The following ANKS1A variants were observed in gnomAD, a reference collection of about 807,000 sequenced individuals.
The protein encoded by ANKS1A is ankyrin repeat and SAM domain-containing protein 1A.
A neutral mutation model predicts 120.3 loss-of-function variants in ANKS1A; 55 were observed. That is an observed-to-expected ratio of 0.46 (90% confidence interval 0.37 to 0.57). The LOEUF (loss-of-function observed/expected upper bound fraction) is 0.57, where lower values mean the gene tolerates loss of function less well. Among genes scored for constraint, ANKS1A ranks in the 20% least tolerant of loss-of-function variants. ANKS1A has a pLI of 0.00. For missense variants in ANKS1A, 1,123 were observed against 1,480.3 expected (o/e 0.76, Z 3.96); for synonymous variants, 590 against 604.7 (o/e 0.98, Z 0.36).
chr6:35,031,625 C>A (rs1345777733), intron 11 of ANKS1A, among the ~76,000 whole-genome samples: 2 of 152,188 alleles, frequency 1.3e-5, no homozygotes, highest in Non-Finnish European at 2.9e-5. Flanking sequence ...TCCTCAGCGG[C>A]CACCACCTCA....
chr6:35,080,031 GA>G, intron 16 of ANKS1A, 103 bp downstream of exon 16: 16 of 1,311,268 alleles, frequency 1.2e-5, no homozygotes, highest in Non-Finnish European at 1.5e-5. Flanking sequence ...TAGTGTAGGA[GA>G]AAGCAGCTCC....
chr6:34,954,772 C>T (rs376598088), intron 1 of ANKS1A, among the ~76,000 whole-genome samples: 43 of 152,326 alleles, frequency 2.8e-4, no homozygotes, highest in African/African-American at 8.9e-4. Flanking sequence ...ACTGGAAGGC[C>T]GTTTGTGCAC....
chr6:35,003,266 A>T (rs2127545700), intron 10 of ANKS1A, among the ~76,000 whole-genome samples: 1 of 152,220 alleles, frequency 6.6e-6, no homozygotes, highest in Non-Finnish European at 1.5e-5. Context: ...TGCTCAACCG[A>T]ATCATACGGT....
At chr6:35,006,486 G>A (rs1175628204) in intron 10 of ANKS1A, among the ~76,000 whole-genome samples, 1 of 152,092 alleles carries the variant, frequency 6.6e-6, no homozygotes, top group East Asian at 1.9e-4. Context: ...CAGGCGTGGT[G>A]GCTCACGCCT....
rs770535032 is a variant in ANKS1A at position 35,081,091 on chromosome 6, G to A, written c.2642G>A (p.Gly881Asp). 6.2e-7 allele frequency: 1 copy of A among 1,613,804 alleles called. No individual in the cohort carries two copies. Among genetic ancestry groups the A allele is most frequent in the East Asian group, 2.2e-5 (1 of 44,876 alleles). ...ADLLLPPGDT[G>D]RRRHDSLHDP... ...CTGCTGCTGCCTCCAGGGGACACAG[G>A]CAGGAGGCGCCATGACAGTCTCCAT... Residue 881 changes from glycine to aspartate, a missense_variant, in exon 17 of 24, where the codon GGC becomes GAC. By Grantham distance (94) the Gly-to-Asp change is moderately conservative. Transcript: ENST00000360359.
chr6:34,940,996 AT>A (rs1385846988), intron 1 of ANKS1A, among the ~76,000 whole-genome samples: 1 of 150,402 alleles, frequency 6.6e-6, no homozygotes, highest in Non-Finnish European at 1.5e-5. Flanking sequence ...TCTAAAAAAA[AT>A]TTTTTTTTTG....
chr6:34,950,392 C>A (rs1273250109), intron 1 of ANKS1A, among the ~76,000 whole-genome samples: 1 of 151,888 alleles, frequency 6.6e-6, no homozygotes, highest in Non-Finnish European at 1.5e-5. Context: ...CCACGCCCAG[C>A]TAATTTTTGT....
intron 11 of ANKS1A, among the ~76,000 whole-genome samples, chr6:35,032,536 G>T (rs956063354): frequency 3.9e-5 from 6 of 152,190 alleles, no homozygotes. Context: ...AAAAATGCAA[G>T]TCCTTGATTA....
At chr6:35,071,219 G>A (rs189499473) in intron 13 of ANKS1A, among the ~76,000 whole-genome samples, 2 of 152,178 alleles carry the variant, frequency 1.3e-5, no homozygotes, top group East Asian at 1.9e-4. Flanking sequence ...CACATATATC[G>A]CTTGATGTCT....
intron 1 of ANKS1A, among the ~76,000 whole-genome samples, chr6:34,894,536 CAGCTACTCGGG>C (rs1458220883): frequency 6.6e-6 from 1 of 152,084 alleles, no homozygotes; most frequent in Non-Finnish European, 1.5e-5. Flanking sequence ...CCTGTAGTCC[CAGCTACTCGGG>C]AGGCTGATGT....
At chr6:34,890,542 G>C (rs1212584102) in intron 1 of ANKS1A, among the ~76,000 whole-genome samples, 1 of 152,182 alleles carries the variant, frequency 6.6e-6, no homozygotes, top group Non-Finnish European at 1.5e-5. Flanking sequence ...TCATCCAGGG[G>C]CTTATTCATC....
chr6:34,970,486 A>G (rs1771128410), intron 3 of ANKS1A, among the ~76,000 whole-genome samples: 1 of 152,186 alleles, frequency 6.6e-6, no homozygotes, highest in African/African-American at 2.4e-5. Context: ...CCCCATAGAT[A>G]CCAAAATCCA....
chr6:34,954,495 A>G (rs1228885417), intron 1 of ANKS1A, among the ~76,000 whole-genome samples: 3 of 152,206 alleles, frequency 2.0e-5, no homozygotes, highest in Admixed American at 6.5e-5. Context: ...TTGGCAGGAT[A>G]GAAGAAGGAA....
In ANKS1A at chr6:34,985,078, T is replaced by G; in HGVS notation, c.1013-4T>G. ...GACTCTCTTGCCCTCCATCCTCCTC[T>G]CAGGTGACGTGGAGAAAGCAGTGAC... On this transcript the variant is annotated splice_polypyrimidine_tract_variant and splice_region_variant and intron_variant, in intron 7 of 23. Coordinates refer to ENST00000360359, the MANE Select transcript of ANKS1A (RefSeq NM_015245.3). The G allele has an allele frequency of 6.2e-7, 1 of 1,611,532 alleles. No individual in the cohort carries two copies. Among genetic ancestry groups the G allele is most frequent in the Non-Finnish European group, 8.5e-7 (1 of 1,178,484 alleles).
chr6:34,941,633 A>T (rs547811521), intron 1 of ANKS1A, among the ~76,000 whole-genome samples: 28 of 152,344 alleles, frequency 1.8e-4, no homozygotes, highest in African/African-American at 4.6e-4. Flanking sequence ...AGCAATTTTT[A>T]AAAAATCTAA....
intron 1 of ANKS1A, among the ~76,000 whole-genome samples, chr6:34,917,003 G>A (rs190393657): frequency 5.9e-5 from 9 of 152,292 alleles, no homozygotes; most frequent in African/African-American, 2.2e-4. Flanking sequence ...AGAGTAGAAT[G>A]GCTGATATTT....
chr6:34,924,556 A>G (rs913011236), intron 1 of ANKS1A, among the ~76,000 whole-genome samples: 39 of 152,276 alleles, frequency 2.6e-4, no homozygotes, highest in Middle Eastern at 3.4e-3. Flanking sequence ...CCATTGGCAC[A>G]GGGTCTTTTG....
intron 1 of ANKS1A, among the ~76,000 whole-genome samples, chr6:34,934,357 C>G (rs1046748121): frequency 1.3e-5 from 2 of 152,098 alleles, no homozygotes; most frequent in South Asian, 2.1e-4. Flanking sequence ...ACTGTGTTAG[C>G]CAGGACGGTC....
At chr6:35,096,006 ATTTTC>A (rs1361189681), downstream of ANKS1A, among the ~76,000 whole-genome samples, 2 of 152,092 alleles carry the variant, frequency 1.3e-5, no homozygotes, top group African/African-American at 4.8e-5. Context: ...AATAAATATC[ATTTTC>A]TTTTATTAGA....
Sources: allele counts gnomAD v4.1 joint callset (sites outside exome capture counted in the v4.1 genomes callset), GRCh38; gene constraint gnomAD v4.1.1; transcripts MANE v1.5; gene names NCBI Gene and HGNC (gene_info 2026-07-23, HGNC 2026-07-21).